CNDP1: variants seen among roughly 807,000 people sequenced by gnomAD.
CNDP1 encodes the protein beta-Ala-His dipeptidase.
Under a neutral mutation model 58.1 loss-of-function variants are expected in CNDP1, and 44 were observed. That is an observed-to-expected ratio of 0.76 (90% CI 0.60 to 0.97). The LOEUF (loss-of-function observed/expected upper bound fraction) is 0.97, where lower values mean the gene tolerates loss of function less well. CNDP1 is among the 50% of genes least tolerant of loss of function. The pLI is 0.00. For missense variants in CNDP1, 616 were observed against 655.1 expected (o/e 0.94, Z 0.65); for synonymous variants, 254 against 252.6 (o/e 1.01, Z -0.05).
At chr18:74,572,812 GA>G (rs1981517985) in intron 7 of CNDP1, among the ~76,000 whole-genome samples, 1 of 105,636 alleles carries the variant, frequency 9.5e-6, no homozygotes, top group Non-Finnish European at 1.9e-5. Flanking sequence ...AAAAAAAAAA[GA>G]AAGAAAGAAA....
At chr18:74,554,330 G>T (rs1237424328) in intron 1 of CNDP1, among the ~76,000 whole-genome samples, 1 of 152,186 alleles carries the variant, frequency 6.6e-6, no homozygotes, top group Non-Finnish European at 1.5e-5. Flanking sequence ...GAACAGCCTG[G>T]GAGTGGCTTT....
At position 74,534,551 on chromosome 18, in the gene CNDP1, G is replaced by A. The variant is rs1386639366; in HGVS notation, c.-117G>A. On this transcript the variant is annotated 5_prime_UTR_variant, in exon 1 of 12. In the 5' UTR this introduces an upstream ATG that the reference lacks. Coordinates refer to ENST00000358821, the MANE Select transcript of CNDP1 (RefSeq NM_032649.6). Reference sequence around the variant, plus strand: ...CCTCGTCTTCCTTCCGGGGGACAACGTGGGTCAGGGCACAGAGAGATATTT... The same window carrying A: ...CCTCGTCTTCCTTCCGGGGGACAACATGGGTCAGGGCACAGAGAGATATTT... 10 of 1,060,210 alleles carry A rather than the reference G, an allele frequency of 9.4e-6. No individual in the cohort carries two copies. The highest frequency in any genetic ancestry group is 2.7e-5 in the South Asian group (2 of 74,500). The allele number at this position is 1,060,210 out of a possible 1,614,324, so 65.7% of individuals were successfully genotyped here.
chr18:74,569,444 A>G (rs1458711563), intron 6 of CNDP1, among the ~76,000 whole-genome samples: 5 of 152,110 alleles, frequency 3.3e-5, no homozygotes, highest in Admixed American at 2.0e-4. Flanking sequence ...TTGGGTCTAG[A>G]TCTCCTGAGT....
At chr18:74,538,760 G>C (rs1980544719) in intron 1 of CNDP1, among the ~76,000 whole-genome samples, 1 of 152,158 alleles carries the variant, frequency 6.6e-6, no homozygotes, top group Non-Finnish European at 1.5e-5. Context: ...GTTGTGGTTT[G>C]ATCTGCATTT....
At chr18:74,571,873 A>C (rs1033058596) in intron 7 of CNDP1, among the ~76,000 whole-genome samples, 24 of 152,036 alleles carry the variant, frequency 1.6e-4, no homozygotes, top group African/African-American at 5.8e-4. Flanking sequence ...TCTGCCACAG[A>C]CCACCTGTAC....
At chr18:74,569,995 G>T (rs1487695070) in intron 6 of CNDP1, among the ~76,000 whole-genome samples, 2 of 144,242 alleles carry the variant, frequency 1.4e-5, no homozygotes, top group Non-Finnish European at 3.0e-5. Flanking sequence ...AGACCAGCCT[G>T]CCCAACATGG....
Position 74,583,763 on chromosome 18 carries a change from C to T in CNDP1, c.1457+55C>T, listed in dbSNP as rs901714775. On this transcript the variant is annotated intron_variant, in intron 11 of 11. Transcript: ENST00000358821. ...CTCTTCTTCCTTTACTGCACACACCCGGGTCTACACGTGGGTGAGCTCCTG... is the reference window on the plus strand; with the variant it reads ...CTCTTCTTCCTTTACTGCACACACCTGGGTCTACACGTGGGTGAGCTCCTG... 1.2e-5 allele frequency: 18 copies of T among 1,549,614 alleles called. 1 individual carries two copies. Among genetic ancestry groups the T allele is most frequent in the Admixed American group, 5.1e-5 (3 of 59,278 alleles).
intron 9 of CNDP1, among the ~76,000 whole-genome samples, chr18:74,578,846 T>C (rs7229005): frequency 0.23 from 34,356 of 152,124 alleles, 3,937 homozygotes; most frequent in Admixed American, 0.26. Flanking sequence ...CTTCATGATG[T>C]CTGAAATTAA....
chr18:74,551,103 C>T (rs1016186465), intron 1 of CNDP1, among the ~76,000 whole-genome samples: 3 of 152,006 alleles, frequency 2.0e-5, no homozygotes, highest in African/African-American at 7.3e-5. Context: ...GTGTGTGGCA[C>T]CTCCCCGATC....
At chr18:74,580,515 G>T (rs1241107529) in intron 10 of CNDP1, among the ~76,000 whole-genome samples, 2 of 152,206 alleles carry the variant, frequency 1.3e-5, no homozygotes, top group East Asian at 3.8e-4. Flanking sequence ...GAAGTATTTT[G>T]CCAAAGGGTG....
chr18:74,556,377 C>A lies in CNDP1; in HGVS notation c.64C>A (p.Arg22Ser). 6.5e-7 allele frequency: 1 copy of A among 1,548,884 alleles called. No homozygotes were observed. The highest frequency in any genetic ancestry group is 8.9e-7 in the Non-Finnish European group (1 of 1,127,848). Residue 22 changes from arginine (R) to serine (S), a missense_variant, in exon 2 of 12, where the codon CGC (arginine) becomes AGC (serine). Physicochemically the swap from Arg to Ser is moderately radical, Grantham distance 110. Coordinates refer to ENST00000358821, the MANE Select transcript of CNDP1 (RefSeq NM_032649.6). ...LLAVLLLLLE[R>S]GMFSSPSPPP... is the part of the protein sequence containing the mutation. ...GGCTGTGCTGCTGCTGCTGCTGGAG[C>A]GCGGCATGTTCTCCTCACCCTCCCC...
chr18:74,571,564 C>CA lies in CNDP1; in HGVS notation c.841+295dup, dbSNP rs1981480838. On this transcript the variant is annotated intron_variant, in intron 7 of 11. Transcript: ENST00000358821. Reference sequence around the variant, plus strand: ...AGACTCAAAGGATACAAAAGACTGACAGGCCACCCTGACTCCCTTACTGGT... The same window carrying CA: ...AGACTCAAAGGATACAAAAGACTGACAAGGCCACCCTGACTCCCTTACTGGT... 2.0e-5 allele frequency among the ~76,000 whole-genome samples: 3 copies of CA among 152,188 alleles called. No homozygotes were observed. The South Asian group carries it at 6.2e-4, about 32-fold the overall frequency.
intron 9 of CNDP1, among the ~76,000 whole-genome samples, chr18:74,579,658 T>G (rs957282019): frequency 2.0e-5 from 3 of 152,222 alleles, no homozygotes; most frequent in Non-Finnish European, 4.4e-5. Flanking sequence ...TCTCCATAGT[T>G]GAGCCTGGAG....
chr18:74,554,414 C>T (rs541808127), intron 1 of CNDP1, among the ~76,000 whole-genome samples: 6 of 152,264 alleles, frequency 3.9e-5, no homozygotes, highest in South Asian at 2.1e-4. Flanking sequence ...TCTTTATTGC[C>T]GTCTGGGACA....
At position 74,585,188 on chromosome 18, in the gene CNDP1, T is replaced by C. The variant is rs898033598; in HGVS notation, c.*626T>C. On this transcript the variant is annotated 3_prime_UTR_variant, in exon 12 of 12. Transcript: ENST00000358821. ...CCATTTGGGAGTCCTTGTGCAAAGA[T>C]GAGTATTTTTTTTTTTATTCCAAGC... 2 of 152,078 alleles carry C rather than the reference T, an allele frequency of 1.3e-5. No individual in the cohort carries two copies. Among genetic ancestry groups the C allele is most frequent in the African/African-American group, 4.8e-5 (2 of 41,362 alleles). The allele number at this position is 152,078 out of a possible 1,614,324, so 9.4% of individuals were successfully genotyped here.
intron 1 of CNDP1, among the ~76,000 whole-genome samples, chr18:74,551,532 G>A (rs1415846369): frequency 6.6e-6 from 1 of 152,136 alleles, no homozygotes; most frequent in Admixed American, 6.5e-5. Flanking sequence ...AGGCTGCCCT[G>A]CTCTGTGGGG....
At chr18:74,561,283 G>T (rs576792780) in intron 4 of CNDP1, 2 of 315,354 alleles carry the variant, frequency 6.3e-6, no homozygotes, top group South Asian at 5.6e-5. Context: ...GGGCATGGTC[G>T]TGGGCGCCTG....
chr18:74,544,562 C>T (rs1325363854), intron 1 of CNDP1, among the ~76,000 whole-genome samples: 1 of 151,572 alleles, frequency 6.6e-6, no homozygotes, highest in Non-Finnish European at 1.5e-5. Flanking sequence ...ACTAAAAATT[C>T]AAAAACTTAG....
rs1253741205 is a variant in CNDP1 at position 74,586,787 on chromosome 18, AC to A, written c.*2228del. The A allele has an allele frequency of 1.3e-5, 2 of 152,124 alleles. No homozygotes were observed. Among genetic ancestry groups the A allele is most frequent in the African/African-American group, 2.4e-5 (1 of 41,414 alleles). 9.4% of individuals were successfully genotyped at this position (152,124 alleles called of 1,614,324 possible). ...TAAGCCCTGTGGTGATCCAGACCCT[AC>A]CCTGACGTGGGAGTCAGAAAGGAGT... On this transcript the variant is annotated 3_prime_UTR_variant, in exon 12 of 12. Coordinates refer to ENST00000358821, the MANE Select transcript of CNDP1 (RefSeq NM_032649.6).
Sources: gnomAD v4.1 joint callset for allele counts (sites outside exome capture counted in the v4.1 genomes callset) on GRCh38, gnomAD v4.1.1 for gene constraint, MANE v1.5 for transcripts, NCBI Gene and HGNC (gene_info 2026-07-23, HGNC 2026-07-21) for gene names.